The following NEB variants were observed in gnomAD, a reference collection of about 807,000 sequenced individuals.
NEB encodes nemaline myopathy type 2.
In NEB, 512 loss-of-function variants were observed where a neutral mutation model predicts 952.2. That is an observed-to-expected ratio of 0.54 (90% confidence interval 0.50 to 0.58). The LOEUF is 0.58. Among genes scored for constraint, NEB ranks in the 20% least tolerant of loss-of-function variants. The probability of loss-of-function intolerance (pLI) is 0.00; values close to 1 mark genes in which losing one functional copy is unlikely to be tolerated. For missense variants in NEB, 8,428 were observed against 9,231.1 expected (o/e 0.91, Z 3.56); for synonymous variants, 2,900 against 3,149.8 (o/e 0.92, Z 2.66).
chr2:151,565,444 A>G (rs2096315654), intron 116 of NEB, 57 bp downstream of exon 116: 2 of 1,180,334 alleles, frequency 1.7e-6, no homozygotes, highest in South Asian at 1.3e-5. Flanking sequence ...AATCCACCCA[A>G]TGATAGACAA....
chr2:151,612,499 A>C (rs114404051), intron 77 of NEB, 110 bp from the exon 78 acceptor site: 15,745 of 1,091,558 alleles, frequency 0.014, 158 homozygotes, highest in Non-Finnish European at 0.018. Flanking sequence ...TATTTGTGTA[A>C]ATTTCTGGGA....
intron 162 of NEB, 71 bp downstream of exon 162, chr2:151,507,934 A>C: frequency 1.9e-6 from 2 of 1,077,570 alleles, no homozygotes; most frequent in South Asian, 2.7e-5. Context: ...CAAGCCTGGG[A>C]TATCCAGAGG....
intron 55 of NEB, among the ~76,000 whole-genome samples, chr2:151,645,000 T>C (rs2098936162): frequency 1.3e-5 from 2 of 152,052 alleles, no homozygotes; most frequent in African/African-American, 2.4e-5. Flanking sequence ...TGTAACACAA[T>C]GGGAAGTATT....
intron 153 of NEB, 76 bp downstream of exon 153, chr2:151,524,235 C>T (rs1320419294): frequency 1.6e-6 from 2 of 1,264,322 alleles, no homozygotes; most frequent in Admixed American, 3.5e-5. Flanking sequence ...CATTTTCAAT[C>T]TGGAAATCAC....
intron 45 of NEB, among the ~76,000 whole-genome samples, chr2:151,662,739 T>C (rs1052164590): frequency 2.6e-5 from 4 of 152,204 alleles, no homozygotes; most frequent in African/African-American, 9.6e-5. Context: ...CAGATGACTA[T>C]GGAAACCCCA....
At position 151,643,087 on chromosome 2, in the gene NEB, A is replaced by T. The variant is rs533459664; in HGVS notation, c.8160+63T>A. 66 of 1,489,060 alleles carry T rather than the reference A, an allele frequency of 4.4e-5. 1 individual carries two copies. In the African/African-American group the frequency reaches 9.1e-4, roughly 21 times the overall value. The allele number at this position is 1,489,060 out of a possible 1,614,324, so 92.2% of individuals were successfully genotyped here. ...AAAACAAGTTTTCTTTTATACAAAC[A>T]GACTTCAGTGTTTCCATAAACAAAA... On this transcript the variant is annotated intron_variant, in intron 58 of 181. Transcript: ENST00000397345.
chr2:151,624,834 T>A (rs1378140973), intron 71 of NEB, among the ~76,000 whole-genome samples: 1 of 152,172 alleles, frequency 6.6e-6, no homozygotes, highest in East Asian at 1.9e-4. Context: ...AAGACGCTAT[T>A]TATGCAGCAG....
At chr2:151,530,380 G>A (rs756896023) in intron 145 of NEB, among the ~76,000 whole-genome samples, 13 of 152,162 alleles carry the variant, frequency 8.5e-5, no homozygotes, top group Non-Finnish European at 1.6e-4. Context: ...TAAATTTCAG[G>A]GTCGAGGGCC....
intron 148 of NEB, 95 bp downstream of exon 148, chr2:151,526,823 G>C: frequency 1.1e-6 from 1 of 918,258 alleles, no homozygotes; most frequent in Non-Finnish European, 1.7e-6. Flanking sequence ...GATGGAAGCA[G>C]CTCTTCTCCA....
Position 151,680,016 on chromosome 2 carries a change from A to G in NEB, c.3049T>C (p.Tyr1017His). The G allele has an allele frequency of 1.9e-6, 3 of 1,604,326 alleles. No homozygotes were observed. Among genetic ancestry groups the G allele is most frequent in the Non-Finnish European group, 2.6e-6 (3 of 1,170,950 alleles). ...ATAATTTCCTCTCCTTTGGCTTTGT[A>G]AGCGATCTGAAAGAGAAAAAAATGC... ...INQAQRSDIA[Y>H]KAKGEEIIHK... The change falls in exon 31 of 182, where the codon TAC becomes CAC. Residue 1017 changes from tyrosine (Y) to histidine (H), a missense_variant. Physicochemically the swap from Tyr to His is moderately conservative, Grantham distance 83. Transcript: ENST00000397345.
In NEB at chr2:151,666,169, T is replaced by C. The variant is rs2099214910; in HGVS notation, c.4952A>G (p.Gln1651Arg). ...QEVATNANYR[Q>R]SYHHYTLLPD... The stretch of plus-strand genomic sequence containing the variant: ...CAGGAGAGTGTAGTGGTGGTATGAC[T>C]GTCTGTAGTTGGCGTTGGTGGCAAC... Residue 1651 changes from glutamine (Q) to arginine (R), a missense_variant, in exon 41 of 182, where the codon CAG becomes CGG. Transcript: ENST00000397345. 6.2e-7 allele frequency: 1 copy of C among 1,613,944 alleles called. No homozygotes were observed.
In NEB at chr2:151,664,843, C is replaced by A; in HGVS notation, c.5259G>T (p.Trp1753Cys). The change falls in exon 43 of 182, where the codon TGG (tryptophan) becomes TGT (cysteine). Residue 1753 changes from tryptophan to cysteine, a missense_variant. Around this residue, in one of 11 missense-constraint regions of NEB, gnomAD observed 2,851 missense variants for 2,791.5 expected, o/e 1.02. Coordinates refer to ENST00000397345, the MANE Select transcript of NEB (RefSeq NM_001164508.2). The part of the protein sequence containing the change: ...NMDKRLYTEK[W>C]NKDKTTIHVM... The stretch of plus-strand genomic sequence containing the variant: ...CATGAATGGTGGTCTTGTCCTTGTT[C>A]CATTTTTCAGTGTAGAGCCTCTGCA... 6.2e-7 allele frequency: 1 copy of A among 1,612,118 alleles called. No individual in the cohort carries two copies. Among genetic ancestry groups the A allele is most frequent in the South Asian group, 1.1e-5 (1 of 90,656 alleles).
Position 151,592,126 on chromosome 2 carries a change from T to C in NEB, c.14734A>G (p.Asn4912Asp), listed in dbSNP as rs10909569. ...AVQISEPLYRNAWEKEKANVN... is the reference protein window; with the variant it reads ...AVQISEPLYRDAWEKEKANVN... Reference sequence around the variant, plus strand: ...TTAGCCTTCTCTTTCTCCCAGGCATTGCGATACAATGGCTGGGAAAAATGA... The same window carrying C: ...TTAGCCTTCTCTTTCTCCCAGGCATCGCGATACAATGGCTGGGAAAAATGA... The change falls in exon 95 of 182, where the codon AAT becomes GAT. Residue 4912 changes from asparagine to aspartate, a missense_variant. This residue lies in a region of NEB where 13 missense variants were observed against 40.6 expected (regional missense o/e 0.32). Transcript: ENST00000397345. 107,304 of 1,198,524 alleles carry C rather than the reference T, an allele frequency of 0.09. 1,068 individuals are homozygous for C. The highest frequency in any genetic ancestry group is 0.13 in the Admixed American group (4,725 of 36,322). 74.2% of individuals were successfully genotyped at this position (1,198,524 alleles called of 1,614,324 possible).
chr2:151,627,528 T>A lies in NEB; in HGVS notation c.10138A>T (p.Ser3380Cys). The part of the protein sequence containing the change: ...IHARQAYDLQ[S>C]DNIYKSDLQW... ...CATGGATCTTAATTACTCACATCGC[T>A]CTGGAGGTCATAGGCCTGCCGAGCA... is the stretch of plus-strand genomic sequence containing the variant. The change falls in exon 69 of 182, where the codon AGC becomes TGC. Residue 3380 changes from serine (S) to cysteine (C), a missense_variant. Coordinates refer to ENST00000397345, the MANE Select transcript of NEB (RefSeq NM_001164508.2). 1.2e-6 allele frequency: 2 copies of A among 1,613,786 alleles called. No homozygotes were observed. The highest frequency in any genetic ancestry group is 1.7e-6 in the Non-Finnish European group (2 of 1,179,684).
At position 151,491,744 on chromosome 2, in the gene NEB, C is replaced by G. The variant is rs766453942; in HGVS notation, c.25089G>C (p.Ser8363=). The change falls in exon 179 of 182, where the codon TCG becomes TCC. Residue 8363 remains serine (S), a synonymous_variant. Transcript: ENST00000397345. Reference sequence around the variant, plus strand: ...CTTCTGCTGGATCATAGTCAAAAACCGAACCAGGATTAGTACGCCAGACAC... The same window carrying G: ...CTTCTGCTGGATCATAGTCAAAAACGGAACCAGGATTAGTACGCCAGACAC... The part of the protein sequence containing the change: ...GLRVWRTNPG[S]VFDYDPAEDN... 1.3e-6 allele frequency: 2 copies of G among 1,596,056 alleles called. No individual in the cohort carries two copies. Among genetic ancestry groups the G allele is most frequent in the South Asian group, 2.3e-5 (2 of 87,734 alleles).
rs1365774458 is a variant in NEB at position 151,675,536 on chromosome 2, G to A, written c.3775-145C>T. ...TTTCCTATTTTTTTAAATAAAACAA[G>A]CATCTTATTATCTTTAATACCAACA... On this transcript the variant is annotated intron_variant, in intron 34 of 181. Transcript: ENST00000397345. The A allele has an allele frequency of 5.0e-6, 3 of 599,310 alleles. No individual in the cohort carries two copies. In the African/African-American group the frequency reaches 5.7e-5, roughly 11 times the overall value. 37.1% of individuals were successfully genotyped at this position (599,310 alleles called of 1,614,324 possible). A position where few individuals can be genotyped will look rare whatever the true frequency, so the allele number is the denominator to read the frequency against.
rs1194962842 is a variant in NEB at position 151,726,584 on chromosome 2, T to C, written c.295-1024A>G. Among the ~76,000 whole-genome samples, 3 of 152,166 alleles carry C rather than the reference T, an allele frequency of 2.0e-5. No homozygotes were observed. In the East Asian group the frequency reaches 5.8e-4, roughly 29 times the overall value. ...AGCCCACCATGGACAATAAACAAAT[T>C]AGACCCATTGAAATGTGTCTGAATC... is the stretch of plus-strand genomic sequence containing the variant. On this transcript the variant is annotated intron_variant, in intron 5 of 181. Coordinates refer to ENST00000397345, the MANE Select transcript of NEB (RefSeq NM_001164508.2).
chr2:151,504,502 C>A (rs1043540109), intron 165 of NEB, among the ~76,000 whole-genome samples: 1 of 152,174 alleles, frequency 6.6e-6, no homozygotes, highest in Non-Finnish European at 1.5e-5. Flanking sequence ...ACAAGGAAAT[C>A]TGTACCACAG....
At chr2:151,722,716 T>A (rs1361929774) in intron 9 of NEB, among the ~76,000 whole-genome samples, 3 of 152,080 alleles carry the variant, frequency 2.0e-5, no homozygotes, top group African/African-American at 2.4e-5. Context: ...GCTAATTTTT[T>A]AAAAATATAT....
Sources: allele counts gnomAD v4.1 joint callset (sites outside exome capture counted in the v4.1 genomes callset), GRCh38; gene constraint gnomAD v4.1.1; regional missense constraint gnomAD v4.1.1; transcripts MANE v1.5; gene names NCBI Gene and HGNC (gene_info 2026-07-23, HGNC 2026-07-21).